The following LRRC69 variants were observed in gnomAD, a reference collection of about 807,000 sequenced individuals.
LRRC69 encodes leucine-rich repeat-containing protein 69.
Under a neutral mutation model 37.8 loss-of-function variants are expected in LRRC69, and 42 were observed. The ratio of observed to expected loss-of-function variants is 1.11; its 90% CI spans 0.87 to 1.44. The LOEUF is 1.44. LRRC69 is among the 40% of genes most tolerant of loss of function. The probability of loss-of-function intolerance (pLI) is 0.00; values close to 1 mark genes in which losing one functional copy is unlikely to be tolerated. For synonymous variants in LRRC69, 141 were observed against 143.1 expected, an observed-to-expected ratio of 0.99 and a Z score of 0.11; for missense variants, 357 against 401.9, an observed-to-expected ratio of 0.89 and a Z score of 0.96.
At chr8:91,211,661 A>T (rs994470032) in intron 7 of LRRC69, among the ~76,000 whole-genome samples, 28 of 148,412 alleles carry the variant, frequency 1.9e-4, no homozygotes, top group South Asian at 6.4e-4. Flanking sequence ...TTTCTGTTAA[A>T]TTTTTTTTAA....
chr8:91,200,373 A>G (rs1323561743), intron 6 of LRRC69, among the ~76,000 whole-genome samples: 2 of 152,228 alleles, frequency 1.3e-5, no homozygotes, highest in Admixed American at 6.5e-5. Context: ...TTGGATTCCT[A>G]TATGTAAGAG....
intron 7 of LRRC69, chr8:91,209,581 G>C (rs888498592): frequency 9.8e-5 from 15 of 152,354 alleles, no homozygotes; most frequent in African/African-American, 3.1e-4. Context: ...CGTGAGGAAG[G>C]CTTGAAGAAA....
At chr8:91,114,216 G>A (rs976561254) in intron 1 of LRRC69, among the ~76,000 whole-genome samples, 4 of 151,898 alleles carry the variant, frequency 2.6e-5, no homozygotes, top group African/African-American at 9.7e-5. Context: ...TGGTAGGAAT[G>A]TAAGTTGGTA....
At chr8:91,145,109 T>G (rs1563603559) in intron 5 of LRRC69, among the ~76,000 whole-genome samples, 1 of 151,918 alleles carries the variant, frequency 6.6e-6, no homozygotes, top group Non-Finnish European at 1.5e-5. Flanking sequence ...CCTTAAGTGG[T>G]CCAGAAAGTG....
At chr8:91,106,794 T>G (rs903786653) in intron 1 of LRRC69, among the ~76,000 whole-genome samples, 15 of 151,876 alleles carry the variant, frequency 9.9e-5, no homozygotes, top group African/African-American at 3.4e-4. Context: ...TTTGTTTGCA[T>G]ATTTTTTTTT....
intron 5 of LRRC69, chr8:91,158,192 T>G: frequency 6.2e-7 from 1 of 1,604,068 alleles, no homozygotes; most frequent in Non-Finnish European, 8.5e-7. Context: ...GGATTCTGCT[T>G]GTATTCCATG....
chr8:91,196,944 T>A (rs1191799327), intron 6 of LRRC69, among the ~76,000 whole-genome samples: 1 of 152,122 alleles, frequency 6.6e-6, no homozygotes, highest in Non-Finnish European at 1.5e-5. Context: ...CCAGTTTTTC[T>A]GTTCTGTTTT....
At chr8:91,157,599 G>C in intron 5 of LRRC69, 3 of 1,549,650 alleles carry the variant, frequency 1.9e-6, no homozygotes. Flanking sequence ...CACCTGATCA[G>C]GTGGATAAGG....
At chr8:91,193,082 C>T (rs1388135883) in intron 6 of LRRC69, among the ~76,000 whole-genome samples, 1 of 145,754 alleles carries the variant, frequency 6.9e-6, no homozygotes, top group Non-Finnish European at 1.5e-5. Context: ...CCAGTTTTCC[C>T]AGCACCATTT....
intron 5 of LRRC69, among the ~76,000 whole-genome samples, chr8:91,151,102 C>G (rs113219519): frequency 9.9e-5 from 15 of 151,904 alleles, no homozygotes; most frequent in African/African-American, 3.4e-4. Context: ...CTGCTCTGAT[C>G]TTAGTTATTT....
At position 91,138,024 on chromosome 8, in the gene LRRC69, A is replaced by T. The variant is rs1808451154; in HGVS notation, c.651+2285A>T. 2.0e-5 allele frequency among the ~76,000 whole-genome samples: 3 copies of T among 152,014 alleles called. No homozygotes were observed. The South Asian group carries it at 6.2e-4, about 31-fold the overall frequency. On this transcript the variant is annotated intron_variant, in intron 5 of 7. Coordinates refer to ENST00000448384, the Ensembl canonical transcript of LRRC69. ...ATTTTCTAAATTCGTAATCTCAAAC[A>T]AGTTGCTTCATTTCTCAGAGTTGCT...
intron 7 of LRRC69, among the ~76,000 whole-genome samples, chr8:91,215,310 A>G (rs1810023684): frequency 6.6e-6 from 1 of 152,156 alleles, no homozygotes. Context: ...TGTGCTTCAT[A>G]TAATATTGAA....
intron 5 of LRRC69, among the ~76,000 whole-genome samples, chr8:91,183,718 G>A (rs1178391957): frequency 1.3e-5 from 2 of 152,186 alleles, no homozygotes; most frequent in African/African-American, 4.8e-5. Flanking sequence ...GGAAAATTTA[G>A]TTAGAAGAGC....
chr8:91,190,081 T>C, intron 6 of LRRC69, among the ~76,000 whole-genome samples: 1 of 152,176 alleles, frequency 6.6e-6, no homozygotes, highest in Non-Finnish European at 1.5e-5. Context: ...AACTCTTTGG[T>C]AATAGACAAG....
intron 5 of LRRC69, chr8:91,157,838 C>T (rs1808863605): frequency 6.2e-7 from 1 of 1,605,972 alleles, no homozygotes; most frequent in Non-Finnish European, 8.5e-7. Context: ...AAAGGAGCTG[C>T]ATCATTTACA....
At chr8:91,205,870 A>T (rs976186227) in intron 7 of LRRC69, among the ~76,000 whole-genome samples, 1 of 152,202 alleles carries the variant, frequency 6.6e-6, no homozygotes, top group African/African-American at 2.4e-5. Flanking sequence ...TATGAATAAG[A>T]AACAGTGATT....
intron 5 of LRRC69, among the ~76,000 whole-genome samples, chr8:91,164,684 G>C (rs2130570515): frequency 6.6e-6 from 1 of 151,638 alleles, no homozygotes; most frequent in East Asian, 1.9e-4. Flanking sequence ...TTTCATTATA[G>C]TTTCATGAGC....
At position 91,206,210 on chromosome 8, in the gene LRRC69, G is replaced by A. The variant is rs938392041; in HGVS notation, c.933+5418G>A. On this transcript the variant is annotated intron_variant, in intron 7 of 7. Transcript: ENST00000448384. ...GTTTGTCAACATATTACATCTCTAT[G>A]TATCATAAGAAAAATCTGGCAAAGG... Among the ~76,000 whole-genome samples, 19 of 152,250 alleles carry A rather than the reference G, an allele frequency of 1.2e-4. No individual in the cohort carries two copies. The Middle Eastern group carries it at 0.01, about 82-fold the overall frequency.
chr8:91,187,028 T>C (rs1272858280), intron 5 of LRRC69, among the ~76,000 whole-genome samples: 1 of 152,178 alleles, frequency 6.6e-6, no homozygotes, highest in East Asian at 1.9e-4. Flanking sequence ...TTTGAGACCA[T>C]TACTCAAGAA....
Sources: gnomAD v4.1 joint callset for allele counts (sites outside exome capture counted in the v4.1 genomes callset) on GRCh38, gnomAD v4.1.1 for gene constraint, MANE v1.5 for transcripts, NCBI Gene and HGNC (gene_info 2026-07-23, HGNC 2026-07-21) for gene names.